The following ADAMTSL1 variants were observed in gnomAD, a reference collection of about 807,000 sequenced individuals.
ADAMTSL1 encodes the protein ADAMTS like 1.
A neutral mutation model predicts 201.8 loss-of-function variants in ADAMTSL1; 126 were observed. That is an observed-to-expected ratio of 0.62 (90% CI 0.54 to 0.72). The LOEUF (loss-of-function observed/expected upper bound fraction) is 0.72. ADAMTSL1 is among the 30% of genes least tolerant of loss of function. ADAMTSL1 has a pLI of 0.00. For synonymous variants in ADAMTSL1, 1,121 were observed against 903.4 expected (o/e 1.24, Z -4.32); for missense variants, 2,679 against 2,277.8 (o/e 1.18, Z -3.59).
chr9:18,417,120 C>G (rs139022438), intron 2 of ADAMTSL1, among the ~76,000 whole-genome samples: 2 of 151,840 alleles, frequency 1.3e-5, no homozygotes, highest in Non-Finnish European at 2.9e-5. Context: ...AAAAAGATCT[C>G]TGCAAAATTT....
At chr9:18,219,858 C>G (rs1489437916) in intron 2 of ADAMTSL1, among the ~76,000 whole-genome samples, 2 of 152,030 alleles carry the variant, frequency 1.3e-5, no homozygotes, top group Non-Finnish European at 2.9e-5. Flanking sequence ...ACTGATCTTG[C>G]TGATCTTGTA....
rs578104267 is a variant in ADAMTSL1 at position 18,625,726 on chromosome 9, G to A, written c.601+3357G>A. On this transcript the variant is annotated intron_variant, in intron 5 of 28. Coordinates refer to ENST00000380548, the MANE Select transcript of ADAMTSL1 (RefSeq NM_001040272.6). ...TACTCAGAATATTCTTAGGGCTAGAGCCAGCCTATTTGCTATCAATTTGAT... is the reference window on the plus strand; with the variant it reads ...TACTCAGAATATTCTTAGGGCTAGAACCAGCCTATTTGCTATCAATTTGAT... Among the ~76,000 whole-genome samples the A allele has an allele frequency of 3.6e-4, 55 of 152,260 alleles. No individual in the cohort carries two copies. In the South Asian group the frequency reaches 0.011, roughly 31 times the overall value.
At chr9:18,769,997 C>T (rs1206959572) in intron 16 of ADAMTSL1, among the ~76,000 whole-genome samples, 1 of 152,210 alleles carries the variant, frequency 6.6e-6, no homozygotes, top group East Asian at 1.9e-4. Context: ...AAACCACTGA[C>T]ATGAGGCCAT....
intron 1 of ADAMTSL1, among the ~76,000 whole-genome samples, chr9:17,963,367 C>T (rs1817837272): frequency 6.6e-6 from 1 of 152,060 alleles, no homozygotes; most frequent in Admixed American, 6.6e-5. Flanking sequence ...AGACTGTGGA[C>T]ATTTTGAGGG....
chr9:18,262,547 T>A (rs1221395677), intron 2 of ADAMTSL1, among the ~76,000 whole-genome samples: 3 of 152,198 alleles, frequency 2.0e-5, no homozygotes, highest in Non-Finnish European at 4.4e-5. Context: ...AGGGTGACAA[T>A]TTATATGATG....
At chr9:18,869,924 T>G (rs1827781186) in intron 23 of ADAMTSL1, among the ~76,000 whole-genome samples, 1 of 152,180 alleles carries the variant, frequency 6.6e-6, no homozygotes, top group African/African-American at 2.4e-5. Flanking sequence ...AGACATATAT[T>G]AGACCTCAAT....
rs749724582 is a variant in ADAMTSL1, at chr9:18,888,031, T to G, written c.4450T>G (p.Leu1484Val). 10 of 1,613,024 alleles carry G rather than the reference T, an allele frequency of 6.2e-6. No homozygotes were observed. The highest frequency in any genetic ancestry group is 8.5e-6 in the Non-Finnish European group (10 of 1,179,556). Residue 1484 changes from leucine (L) to valine (V), a missense_variant, in exon 24 of 29, where the codon TTA becomes GTA. Coordinates refer to ENST00000380548, the MANE Select transcript of ADAMTSL1 (RefSeq NM_001040272.6). ...EAGVLMQKAS[L>V]VIQDYWWSVD... ...AGGGGTGCTCATGCAGAAGGCATCT[T>G]TAGTGATCCAAGGTAAGAAACCCTG...
At chr9:18,186,621 T>C (rs1467824295) in intron 2 of ADAMTSL1, among the ~76,000 whole-genome samples, 2 of 152,188 alleles carry the variant, frequency 1.3e-5, no homozygotes, top group Non-Finnish European at 2.9e-5. Flanking sequence ...TTGTGATTGG[T>C]TCTGATTTAA....
Position 18,526,313 on chromosome 9 carries a change from G to A in ADAMTSL1, c.192-6934G>A, listed in dbSNP as rs1233899674. On this transcript the variant is annotated intron_variant, in intron 2 of 28. Transcript: ENST00000380548. ...CGCGTAGATCTTCCTCCATCCCTTTGTTTTGAGCCTATGTGTGTCTCTGCA... is the reference window on the plus strand; with the variant it reads ...CGCGTAGATCTTCCTCCATCCCTTTATTTTGAGCCTATGTGTGTCTCTGCA... Among the ~76,000 whole-genome samples the A allele has an allele frequency of 2.0e-5, 3 of 152,088 alleles. No homozygotes were observed. In the South Asian group the frequency reaches 6.2e-4, roughly 32 times the overall value.
intron 2 of ADAMTSL1, among the ~76,000 whole-genome samples, chr9:18,532,560 G>A (rs570083050): frequency 6.6e-6 from 1 of 151,964 alleles, no homozygotes; most frequent in Admixed American, 6.6e-5. Context: ...ATTTAATACT[G>A]TGAGAAAATG....
chr9:18,071,263 C>G (rs931220637), intron 1 of ADAMTSL1, among the ~76,000 whole-genome samples: 5 of 152,016 alleles, frequency 3.3e-5, no homozygotes, highest in African/African-American at 1.2e-4. Flanking sequence ...GTTTTTGGTT[C>G]AAAAAAATTA....
intron 24 of ADAMTSL1, 34 bp from the exon 25 acceptor site, chr9:18,889,534 A>T: frequency 6.2e-7 from 1 of 1,608,214 alleles, no homozygotes. Context: ...ATTATGCTAT[A>T]TTCTTTTCTA....
chr9:18,408,857 A>T (rs1818311706), intron 2 of ADAMTSL1, among the ~76,000 whole-genome samples: 1 of 152,248 alleles, frequency 6.6e-6, no homozygotes, highest in South Asian at 2.1e-4. Flanking sequence ...TGTGATAGAA[A>T]TAATTGTGCT....
rs1230594755 is a variant in ADAMTSL1 at position 18,626,880 on chromosome 9, TTCCTTC to T, written c.601+4512_601+4517del. On this transcript the variant is annotated intron_variant, in intron 5 of 28. Coordinates refer to ENST00000380548, the MANE Select transcript of ADAMTSL1 (RefSeq NM_001040272.6). ...CTTTCTTTCTTTCTGTCTTTCTTCC[TTCCTTC>T]CTTCCTTCCTTCCTTTCTTTCTTTT... Among the ~76,000 whole-genome samples, 74 of 147,734 alleles carry T rather than the reference TTCCTTC, an allele frequency of 5.0e-4. 1 individual carries two copies. Among genetic ancestry groups the T allele is most frequent in the African/African-American group, 6.9e-4 (27 of 39,282 alleles).
intron 1 of ADAMTSL1, among the ~76,000 whole-genome samples, chr9:18,099,222 T>C (rs1824383572): frequency 6.7e-6 from 1 of 149,812 alleles, no homozygotes; most frequent in Middle Eastern, 3.2e-3. Context: ...TTCAAATATG[T>C]TACTCTATTT....
At chr9:18,667,978 T>A (rs143991549) in intron 9 of ADAMTSL1, among the ~76,000 whole-genome samples, 6 of 152,226 alleles carry the variant, frequency 3.9e-5, no homozygotes, top group Admixed American at 3.9e-4. Context: ...ACCTCTACTT[T>A]ACCAGCTGTG....
intron 2 of ADAMTSL1, among the ~76,000 whole-genome samples, chr9:18,454,393 T>G (rs1209216595): frequency 2.0e-5 from 3 of 152,054 alleles, no homozygotes; most frequent in Non-Finnish European, 1.5e-5. Flanking sequence ...GGGCAGATCT[T>G]CCCCACTCAG....
intron 18 of ADAMTSL1, 58 bp from the exon 19 acceptor site, chr9:18,776,723 C>G: frequency 6.8e-7 from 1 of 1,476,686 alleles, no homozygotes; most frequent in Middle Eastern, 2.0e-4. Context: ...GCATCTCACT[C>G]TGGGTTTTCT....
chr9:18,000,792 G>T (rs951006891), intron 1 of ADAMTSL1, among the ~76,000 whole-genome samples: 1 of 152,082 alleles, frequency 6.6e-6, no homozygotes, highest in African/African-American at 2.4e-5. Context: ...CTCTGCAGAT[G>T]TCATAGGCCA....
Sources: allele counts gnomAD v4.1 joint callset (sites outside exome capture counted in the v4.1 genomes callset), GRCh38; gene constraint gnomAD v4.1.1; transcripts MANE v1.5; gene names NCBI Gene and HGNC (gene_info 2026-07-23, HGNC 2026-07-21).